The following RPS6KC1 variants were observed in gnomAD, a reference collection of about 807,000 sequenced individuals.
RPS6KC1 encodes the protein inactive ribosomal protein S6 kinase delta-1.
A neutral mutation model predicts 103.8 loss-of-function variants in RPS6KC1; 54 were observed. That is an observed-to-expected ratio of 0.52 (90% CI 0.42 to 0.65). The LOEUF (loss-of-function observed/expected upper bound fraction) is 0.65, where lower values mean the gene tolerates loss of function less well. Ranked by LOEUF, RPS6KC1 falls within the 30% of genes least tolerant of loss-of-function variation. The pLI, the probability that RPS6KC1 is intolerant of heterozygous loss-of-function variation, is 0.00. For synonymous variants in RPS6KC1, 439 were observed against 438.7 expected, an observed-to-expected ratio of 1.00 and a Z score of -0.01; for missense variants, 1,151 against 1,253.8, an observed-to-expected ratio of 0.92 and a Z score of 1.24.
the RPS6KC1 span, among the ~76,000 whole-genome samples, chr1:213,550,002 G>T: frequency 6.6e-6 from 1 of 152,078 alleles, no homozygotes; most frequent in Non-Finnish European, 1.5e-5. Flanking sequence ...AGGGGCTGAG[G>T]GGTGCACAGC....
chr1:213,329,114 T>C, the RPS6KC1 span, among the ~76,000 whole-genome samples: 1 of 152,208 alleles, frequency 6.6e-6, no homozygotes, highest in East Asian at 1.9e-4. Flanking sequence ...AAACAAATTC[T>C]TCCTTTTCTG....
At chr1:213,560,416 G>A in the RPS6KC1 span, among the ~76,000 whole-genome samples, 1 of 152,088 alleles carries the variant, frequency 6.6e-6, no homozygotes, top group East Asian at 1.9e-4. Flanking sequence ...GACATGGAGG[G>A]GACCATGTGG....
At chr1:213,425,421 G>C in the RPS6KC1 span, among the ~76,000 whole-genome samples, 1 of 152,090 alleles carries the variant, frequency 6.6e-6, no homozygotes, top group Non-Finnish European at 1.5e-5. Context: ...GAAAAAAAAA[G>C]AGAGATACAA....
At chr1:213,134,660 T>C (rs1387009982) in intron 6 of RPS6KC1, among the ~76,000 whole-genome samples, 3 of 152,118 alleles carry the variant, frequency 2.0e-5, no homozygotes, top group Admixed American at 6.6e-5. Context: ...GCTTGGACCA[T>C]TGATTTATTC....
At chr1:213,339,794 C>T in the RPS6KC1 span, among the ~76,000 whole-genome samples, 13 of 152,240 alleles carry the variant, frequency 8.5e-5, no homozygotes, top group African/African-American at 2.4e-4. Flanking sequence ...GGTCCCAGGA[C>T]GCATGGTGGC....
chr1:213,104,738 T>G (rs954617434), intron 4 of RPS6KC1, among the ~76,000 whole-genome samples, 169 bp downstream of exon 4: 4 of 151,838 alleles, frequency 2.6e-5, no homozygotes, highest in Admixed American at 6.6e-5. Context: ...GTATAGAAAT[T>G]TATGCTTTTT....
At chr1:213,351,321 C>T in the RPS6KC1 span, among the ~76,000 whole-genome samples, 1 of 152,220 alleles carries the variant, frequency 6.6e-6, no homozygotes, top group East Asian at 1.9e-4. Context: ...TCTATAAAAG[C>T]GCAAAAGGCT....
chr1:213,237,372 A>G (rs1438769672), intron 10 of RPS6KC1, among the ~76,000 whole-genome samples: 1 of 152,130 alleles, frequency 6.6e-6, no homozygotes, highest in African/African-American at 2.4e-5. Flanking sequence ...GGTTGATGTG[A>G]GGATTAAATA....
the RPS6KC1 span, among the ~76,000 whole-genome samples, chr1:213,518,486 C>T: frequency 9.9e-5 from 15 of 152,200 alleles, no homozygotes; most frequent in African/African-American, 3.6e-4. Context: ...AGGAAGGATC[C>T]TCCCCTAGAG....
At chr1:213,458,078 G>A in the RPS6KC1 span, among the ~76,000 whole-genome samples, 1 of 152,102 alleles carries the variant, frequency 6.6e-6, no homozygotes, top group Non-Finnish European at 1.5e-5. Context: ...TGAGGTTTGG[G>A]GTGTGAATGA....
the RPS6KC1 span, among the ~76,000 whole-genome samples, chr1:213,758,693 G>A: frequency 6.6e-6 from 1 of 152,188 alleles, no homozygotes; most frequent in Non-Finnish European, 1.5e-5. Flanking sequence ...GAGGAGTTCA[G>A]GACCTCAGTG....
At chr1:213,778,931 C>A in the RPS6KC1 span, among the ~76,000 whole-genome samples, 1 of 152,072 alleles carries the variant, frequency 6.6e-6, no homozygotes, top group Non-Finnish European at 1.5e-5. Flanking sequence ...GTTAAGGGCT[C>A]CTGAGGCTCC....
In RPS6KC1 at chr1:213,241,502, G is replaced by T. The variant is rs76987106; in HGVS notation, c.2026G>T (p.Ala676Ser). The T allele has an allele frequency of 6.2e-7, 1 of 1,613,852 alleles. No homozygotes were observed. The highest frequency in any genetic ancestry group is 8.5e-7 in the Non-Finnish European group (1 of 1,179,942). ...AGTGCCAGTTATTTCATTTAAAGAT[G>T]CTGCTTTTGATGATGTCAGTGGTAC... ...DSVPVISFKDAAFDDVSGTDE... is the reference protein window; with the variant it reads ...DSVPVISFKDSAFDDVSGTDE... Residue 676 changes from alanine (A) to serine (S), a missense_variant, in exon 11 of 15, where the codon GCT (alanine) becomes TCT (serine). Ala to Ser is a moderately conservative substitution (Grantham distance 99). Transcript: ENST00000366960.
At chr1:213,284,486 G>C in the RPS6KC1 span, among the ~76,000 whole-genome samples, 1 of 151,658 alleles carries the variant, frequency 6.6e-6, no homozygotes, top group African/African-American at 2.4e-5. Flanking sequence ...CTCTAGCCTG[G>C]GTGACAGAGC....
At chr1:213,602,759 C>A in the RPS6KC1 span, among the ~76,000 whole-genome samples, 20 of 152,264 alleles carry the variant, frequency 1.3e-4, no homozygotes, top group African/African-American at 4.8e-4. Flanking sequence ...AGATGCCAAG[C>A]AAAAATTGCA....
At chr1:213,562,123 T>A in the RPS6KC1 span, among the ~76,000 whole-genome samples, 1 of 152,206 alleles carries the variant, frequency 6.6e-6, no homozygotes, top group South Asian at 2.1e-4. Flanking sequence ...TTAAAGGTCT[T>A]ATGCTCTGTC....
the RPS6KC1 span, among the ~76,000 whole-genome samples, chr1:213,477,661 C>A: frequency 6.6e-6 from 1 of 151,928 alleles, no homozygotes; most frequent in African/African-American, 2.4e-5. Flanking sequence ...ATAATAAAAC[C>A]CAGATACCAT....
At chr1:213,322,910 GC>G in the RPS6KC1 span, among the ~76,000 whole-genome samples, 1 of 87,806 alleles carries the variant, frequency 1.1e-5, no homozygotes, top group African/African-American at 4.3e-5. Flanking sequence ...ACCATGCCCA[GC>G]TTTTTTTTTT....
the RPS6KC1 span, among the ~76,000 whole-genome samples, chr1:213,632,627 A>G: frequency 6.6e-6 from 1 of 152,362 alleles, no homozygotes; most frequent in East Asian, 1.9e-4. Flanking sequence ...TAAAAACCAG[A>G]GCGCCTCTTC....
Sources: gnomAD v4.1 joint callset for allele counts (sites outside exome capture counted in the v4.1 genomes callset) on GRCh38, gnomAD v4.1.1 for gene constraint, MANE v1.5 for transcripts, NCBI Gene and HGNC (gene_info 2026-07-23, HGNC 2026-07-21) for gene names.